Variants in GALNTL6 observed in about 807,000 individuals in gnomAD.
GALNTL6 encodes polypeptide N-acetylgalactosaminyltransferase-like 6.
In GALNTL6, 46 loss-of-function variants were observed where a neutral mutation model predicts 73.7. The ratio of observed to expected loss-of-function variants is 0.62; its 90% CI spans 0.49 to 0.80. The LOEUF is 0.80. Among genes scored for constraint, GALNTL6 ranks in the 30% least tolerant of loss-of-function variants. The probability of loss-of-function intolerance (pLI) is 0.00; values close to 1 mark genes in which losing one functional copy is unlikely to be tolerated. For synonymous variants in GALNTL6, 259 were observed against 263.7 expected (o/e 0.98, Z 0.17); for missense variants, 604 against 755.0 (o/e 0.80, Z 2.34).
At chr4:172,735,766 G>A (rs1736422569) in intron 5 of GALNTL6, among the ~76,000 whole-genome samples, 1 of 152,040 alleles carries the variant, frequency 6.6e-6, no homozygotes, top group Admixed American at 6.6e-5. Context: ...GGTTATCAGG[G>A]GTACCAGCCC....
At chr4:172,480,625 C>G (rs1265625851) in intron 5 of GALNTL6, among the ~76,000 whole-genome samples, 1 of 152,214 alleles carries the variant, frequency 6.6e-6, no homozygotes. Flanking sequence ...TACAATAAAT[C>G]ATGCCAAAAT....
intron 11 of GALNTL6, among the ~76,000 whole-genome samples, chr4:173,013,115 T>C (rs916244388): frequency 3.9e-5 from 6 of 152,272 alleles, no homozygotes; most frequent in African/African-American, 1.4e-4. Flanking sequence ...CCTTCCTCTG[T>C]CTGTTTCTAT....
chr4:172,594,169 A>G (rs1737760850), intron 5 of GALNTL6, among the ~76,000 whole-genome samples: 1 of 151,892 alleles, frequency 6.6e-6, no homozygotes, highest in South Asian at 2.1e-4. Context: ...AGATGGTGAA[A>G]CCCCATCTCT....
At chr4:172,803,470 G>A (rs924900010) in intron 5 of GALNTL6, among the ~76,000 whole-genome samples, 8 of 152,140 alleles carry the variant, frequency 5.3e-5, no homozygotes, top group Non-Finnish European at 1.0e-4. Context: ...TGGAAAAATT[G>A]TCTTCCATGT....
At chr4:172,253,257 T>G (rs956116191) in intron 3 of GALNTL6, among the ~76,000 whole-genome samples, 12 of 151,944 alleles carry the variant, frequency 7.9e-5, no homozygotes, top group Non-Finnish European at 1.6e-4. Context: ...GGGTAGTGTG[T>G]TCAGAGAAAG....
intron 5 of GALNTL6, among the ~76,000 whole-genome samples, chr4:172,640,536 G>C (rs1739924365): frequency 6.6e-6 from 1 of 152,012 alleles, no homozygotes. Context: ...CCAGATCAAG[G>C]GGTCACCAGA....
Position 173,018,720 on chromosome 4 carries a change from A to G in GALNTL6, c.1489-2756A>G, listed in dbSNP as rs943099751. On this transcript the variant is annotated intron_variant, in intron 11 of 12. Transcript: ENST00000506823. ...AGGGATTTACGTGAACACGGCACAGAAGGAAATACACAGCCTGGTTTGTGT... is the reference window on the plus strand; with the variant it reads ...AGGGATTTACGTGAACACGGCACAGGAGGAAATACACAGCCTGGTTTGTGT... Among the ~76,000 whole-genome samples, 4 of 152,232 alleles carry G rather than the reference A, an allele frequency of 2.6e-5. No homozygotes were observed. In the South Asian group the frequency reaches 8.3e-4, roughly 32 times the overall value.
intron 2 of GALNTL6, among the ~76,000 whole-genome samples, chr4:171,944,967 A>G (rs78724481): frequency 0.031 from 4,643 of 152,044 alleles, 223 homozygotes; most frequent in Admixed American, 0.11. Flanking sequence ...TTCTTTTTCA[A>G]TCAGAAGTAA....
At chr4:172,359,498 A>G (rs1269303699) in intron 5 of GALNTL6, among the ~76,000 whole-genome samples, 1 of 152,174 alleles carries the variant, frequency 6.6e-6, no homozygotes, top group Non-Finnish European at 1.5e-5. Flanking sequence ...GTACCCCTGA[A>G]ACGAAAATAA....
chr4:172,448,931 C>T (rs1732117383), intron 5 of GALNTL6, among the ~76,000 whole-genome samples: 1 of 152,124 alleles, frequency 6.6e-6, no homozygotes, highest in African/African-American at 2.4e-5. Flanking sequence ...TATTCACTTT[C>T]CCTTTTAATA....
intron 3 of GALNTL6, among the ~76,000 whole-genome samples, chr4:172,233,945 A>T (rs1737158560): frequency 6.6e-6 from 1 of 151,938 alleles, no homozygotes; most frequent in South Asian, 2.1e-4. Flanking sequence ...ATATTTAAGG[A>T]TGGCTTTGTA....
intron 8 of GALNTL6, among the ~76,000 whole-genome samples, chr4:172,900,626 A>T (rs889086980): frequency 1.1e-4 from 17 of 152,312 alleles, no homozygotes; most frequent in African/African-American, 4.1e-4. Context: ...CTTAAAGAAA[A>T]AAAGAAAAGC....
intron 5 of GALNTL6, among the ~76,000 whole-genome samples, chr4:172,807,198 G>T (rs1314265963): frequency 6.6e-6 from 1 of 152,192 alleles, no homozygotes; most frequent in Admixed American, 6.5e-5. Context: ...GGAGCACTGA[G>T]CAGAGGGGCA....
chr4:171,973,025 A>G (rs981076631), intron 2 of GALNTL6, among the ~76,000 whole-genome samples: 2 of 152,210 alleles, frequency 1.3e-5, no homozygotes, highest in African/African-American at 4.8e-5. Flanking sequence ...CAATTATTAA[A>G]GAGTATTCTA....
intron 2 of GALNTL6, among the ~76,000 whole-genome samples, chr4:172,040,820 G>A (rs1003400374): frequency 5.9e-5 from 9 of 151,942 alleles, no homozygotes; most frequent in African/African-American, 2.2e-4. Flanking sequence ...ATAATTATTT[G>A]TTATTATCTT....
At chr4:172,155,759 C>G (rs544994968) in intron 2 of GALNTL6, among the ~76,000 whole-genome samples, 2 of 152,214 alleles carry the variant, frequency 1.3e-5, no homozygotes, top group Middle Eastern at 3.4e-3. Flanking sequence ...GTTTAGATTA[C>G]TGAGATATTT....
chr4:172,769,706 A>G (rs1433697535), intron 5 of GALNTL6, among the ~76,000 whole-genome samples: 1 of 152,216 alleles, frequency 6.6e-6, no homozygotes, highest in Non-Finnish European at 1.5e-5. Context: ...TATCCTTGAT[A>G]TGATGCTGAC....
At chr4:172,680,151 G>T (rs1732549569) in intron 5 of GALNTL6, among the ~76,000 whole-genome samples, 1 of 152,162 alleles carries the variant, frequency 6.6e-6, no homozygotes, top group Non-Finnish European at 1.5e-5. Flanking sequence ...TTTTGAGCCA[G>T]AATCAGGACT....
At chr4:172,216,642 T>G (rs1172799371) in intron 2 of GALNTL6, among the ~76,000 whole-genome samples, 1 of 152,204 alleles carries the variant, frequency 6.6e-6, no homozygotes, top group Non-Finnish European at 1.5e-5. Context: ...TTCAAATATT[T>G]TATCTCTCAG....
Sources: gnomAD v4.1 joint callset for allele counts (sites outside exome capture counted in the v4.1 genomes callset) on GRCh38, gnomAD v4.1.1 for gene constraint, MANE v1.5 for transcripts, NCBI Gene and HGNC (gene_info 2026-07-23, HGNC 2026-07-21) for gene names.